Variants in FOXP1 observed in about 807,000 individuals in gnomAD.
FOXP1 encodes the protein forkhead box P1.
A neutral mutation model predicts 98.2 loss-of-function variants in FOXP1; 15 were observed. The ratio of observed to expected loss-of-function variants is 0.15; its 90% CI spans 0.10 to 0.24. The LOEUF is 0.24. Ranked by LOEUF, FOXP1 falls within the 10% of genes least tolerant of loss-of-function variation. FOXP1 has a pLI of 1.00. For synonymous variants in FOXP1, 371 were observed against 314.5 expected (o/e 1.18, Z -1.90); for missense variants, 633 against 848.5 (o/e 0.75, Z 3.15).
intron 4 of FOXP1, among the ~76,000 whole-genome samples, chr3:71,315,742 G>A (rs1023569690): frequency 1.3e-5 from 2 of 152,172 alleles, no homozygotes; most frequent in African/African-American, 4.8e-5. Context: ...GGGAACATCA[G>A]TCATGTTAAG....
At chr3:71,131,011 A>C in intron 6 of FOXP1, 3 of 786,764 alleles carry the variant, frequency 3.8e-6, no homozygotes, top group Non-Finnish European at 4.6e-6. Context: ...CTCTTGAGAT[A>C]TTTTTGTGGT....
At chr3:71,188,242 C>G (rs1048114540) in intron 6 of FOXP1, among the ~76,000 whole-genome samples, 5 of 152,120 alleles carry the variant, frequency 3.3e-5, no homozygotes, top group African/African-American at 1.2e-4. Flanking sequence ...TAGTTTATAT[C>G]TCACTACTTA....
intron 2 of FOXP1, among the ~76,000 whole-genome samples, chr3:71,544,703 A>C (rs2045213267): frequency 6.6e-6 from 1 of 152,228 alleles, no homozygotes; most frequent in South Asian, 2.1e-4. Flanking sequence ...ATATGATCAC[A>C]AAGAGGTAAG....
Position 71,558,499 on chromosome 3 carries a change from A to ATT in FOXP1, c.-298+23048_-298+23049dup, listed in dbSNP as rs1160071071. Among the ~76,000 whole-genome samples, 261 of 141,756 alleles carry ATT rather than the reference A, an allele frequency of 1.8e-3. 1 individual carries two copies. Among genetic ancestry groups the ATT allele is most frequent in the African/African-American group, 6.4e-3 (248 of 38,872 alleles). The allele number at this position is 141,756 out of a possible 152,430, so 93.0% of individuals were successfully genotyped here. A position where few individuals can be genotyped will look rare whatever the true frequency, so the allele number is the denominator to read the frequency against. ...TTGTTTTTGTTTTTTGTTTTTTTGGATTTTTTTTTTTTTTGAGATGGAGTC... is the reference window on the plus strand; with the variant it reads ...TTGTTTTTGTTTTTTGTTTTTTTGGATTTTTTTTTTTTTTTTGAGATGGAGTC... On this transcript the variant is annotated intron_variant, in intron 2 of 20. Transcript: ENST00000649528.
intron 4 of FOXP1, among the ~76,000 whole-genome samples, chr3:71,316,380 G>A (rs2075074862): frequency 6.6e-6 from 1 of 152,134 alleles, no homozygotes; most frequent in Non-Finnish European, 1.5e-5. Flanking sequence ...GACCACAGCT[G>A]TGCTGTACCT....
intron 17 of FOXP1, among the ~76,000 whole-genome samples, chr3:70,974,098 A>T (rs2036977522): frequency 6.6e-6 from 1 of 152,086 alleles, no homozygotes. Flanking sequence ...AATTCCCAAA[A>T]AGTTTTTGAG....
chr3:71,583,971 G>T (rs1322879167), upstream of FOXP1: 9 of 963,240 alleles, frequency 9.3e-6, no homozygotes, highest in African/African-American at 1.1e-4. Flanking sequence ...GTTCGCCGGG[G>T]CGCTGGCGCC....
chr3:71,064,315 G>A (rs1015123592), intron 7 of FOXP1, among the ~76,000 whole-genome samples: 12 of 152,186 alleles, frequency 7.9e-5, no homozygotes, highest in Non-Finnish European at 1.8e-4. Flanking sequence ...CACTGAGATG[G>A]AAGGCTCCTT....
intron 12 of FOXP1, among the ~76,000 whole-genome samples, chr3:71,013,603 G>A (rs545369809): frequency 5.3e-5 from 8 of 152,150 alleles, no homozygotes; most frequent in Admixed American, 2.0e-4. Flanking sequence ...CAATGCCATC[G>A]CCATCAAGCT....
intron 6 of FOXP1, among the ~76,000 whole-genome samples, chr3:71,131,403 CAAAAAAAAA>C (rs10681690): frequency 4.0e-5 from 5 of 126,538 alleles, no homozygotes; most frequent in South Asian, 5.2e-4. Context: ...TATTCAATAA[CAAAAAAAAA>C]AAAAAAAAAA....
At chr3:71,307,092 A>T (rs1334035801) in intron 4 of FOXP1, among the ~76,000 whole-genome samples, 1 of 152,178 alleles carries the variant, frequency 6.6e-6, no homozygotes, top group Non-Finnish European at 1.5e-5. Flanking sequence ...AATGATTTTG[A>T]TTGAAACATA....
chr3:71,054,732 A>G lies in FOXP1; in HGVS notation c.283-959T>C, dbSNP rs1468037224. ...ATGCAAGAAGACTATTTCATGAAAA[A>G]TCACCCCCCGCCCCAAATAAAAAGA... On this transcript the variant is annotated intron_variant, in intron 7 of 20. Transcript: ENST00000649528. Among the ~76,000 whole-genome samples the G allele has an allele frequency of 2.0e-5, 3 of 152,130 alleles. No homozygotes were observed. The East Asian group carries it at 5.8e-4, about 29-fold the overall frequency.
intron 3 of FOXP1, among the ~76,000 whole-genome samples, chr3:71,373,877 G>C (rs11715843): frequency 0.25 from 37,735 of 152,092 alleles, 5,501 homozygotes; most frequent in Middle Eastern, 0.37. Flanking sequence ...AAAGACAAAG[G>C]TGTGGAGTGG....
intron 14 of FOXP1, among the ~76,000 whole-genome samples, chr3:70,984,186 C>T (rs1449047752): frequency 3.9e-5 from 6 of 152,188 alleles, no homozygotes; most frequent in Admixed American, 2.6e-4. Flanking sequence ...ATACTACATA[C>T]GTCCACGCAG....
chr3:71,150,816 G>C (rs1366980424), intron 6 of FOXP1, among the ~76,000 whole-genome samples: 2 of 152,124 alleles, frequency 1.3e-5, no homozygotes, highest in African/African-American at 4.8e-5. Flanking sequence ...CGTTAAGTAT[G>C]TGGCATGGCG....
intron 6 of FOXP1, among the ~76,000 whole-genome samples, chr3:71,132,098 A>G (rs2059603241): frequency 6.6e-6 from 1 of 152,238 alleles, no homozygotes; most frequent in South Asian, 2.1e-4. Context: ...TACCTTGCTC[A>G]GTGTCCAAAA....
At chr3:71,475,590 C>A (rs756393743) in intron 3 of FOXP1, among the ~76,000 whole-genome samples, 4 of 152,096 alleles carry the variant, frequency 2.6e-5, no homozygotes, top group Non-Finnish European at 5.9e-5. Flanking sequence ...CGCCTGTAAT[C>A]CCAGCACTTT....
At chr3:71,013,108 A>G (rs191867305) in intron 12 of FOXP1, among the ~76,000 whole-genome samples, 1 of 152,294 alleles carries the variant, frequency 6.6e-6, no homozygotes, top group East Asian at 1.9e-4. Flanking sequence ...TATGAGATTA[A>G]TATTATTTCC....
intron 4 of FOXP1, among the ~76,000 whole-genome samples, chr3:71,345,443 C>T (rs983191776): frequency 1.4e-3 from 178 of 122,826 alleles, no homozygotes; most frequent in African/African-American, 4.8e-3. Flanking sequence ...CACACACACA[C>T]ATATATATAC....
Sources: gnomAD v4.1 joint callset for allele counts (sites outside exome capture counted in the v4.1 genomes callset) on GRCh38, gnomAD v4.1.1 for gene constraint, MANE v1.5 for transcripts, NCBI Gene and HGNC (gene_info 2026-07-23, HGNC 2026-07-21) for gene names.